The following CYYR1 variants were observed in gnomAD, a reference collection of about 807,000 sequenced individuals.
CYYR1 encodes cysteine and tyrosine rich 1, also known as cysteine and tyrosine-rich protein 1.
CYYR1 carries 14 observed loss-of-function variants against 15.2 expected under a neutral mutation model. That is an observed-to-expected ratio of 0.92 (90% confidence interval 0.61 to 1.44). The LOEUF (loss-of-function observed/expected upper bound fraction) is 1.44, where lower values mean the gene tolerates loss of function less well. CYYR1 is among the 40% of genes most tolerant of loss of function. The pLI is 0.00. For missense variants in CYYR1, 228 were observed against 209.5 expected (o/e 1.09, Z -0.54); for synonymous variants, 80 against 77.4 (o/e 1.03, Z -0.18).
intron 2 of CYYR1, among the ~76,000 whole-genome samples, chr21:26,516,897 C>G (rs1473232894): frequency 6.6e-6 from 1 of 151,428 alleles, no homozygotes; most frequent in Non-Finnish European, 1.5e-5. Context: ...GGGCGGATCA[C>G]GAGGTCAGGA....
chr21:26,524,756 T>C (rs1344103557), intron 2 of CYYR1, among the ~76,000 whole-genome samples: 1 of 151,998 alleles, frequency 6.6e-6, no homozygotes, highest in African/African-American at 2.4e-5. Flanking sequence ...AAGAATAAAC[T>C]GCCATGAGCA....
chr21:26,535,993 C>T (rs1978297414), intron 2 of CYYR1, among the ~76,000 whole-genome samples: 1 of 152,186 alleles, frequency 6.6e-6, no homozygotes, highest in African/African-American at 2.4e-5. Context: ...TTAATTGACT[C>T]ACAGTTCGGC....
chr21:26,495,723 G>C (rs1477937488), intron 2 of CYYR1, among the ~76,000 whole-genome samples: 1 of 152,202 alleles, frequency 6.6e-6, no homozygotes, highest in Non-Finnish European at 1.5e-5. Context: ...AAATGAAAGT[G>C]TATTTGGCTA....
intron 2 of CYYR1, among the ~76,000 whole-genome samples, chr21:26,484,368 C>T (rs1451648903): frequency 6.6e-6 from 1 of 152,050 alleles, no homozygotes; most frequent in Non-Finnish European, 1.5e-5. Context: ...TTTTCCCCAC[C>T]TACATACAAA....
intron 2 of CYYR1, among the ~76,000 whole-genome samples, chr21:26,499,887 C>T (rs959410580): frequency 6.1e-5 from 9 of 148,154 alleles, no homozygotes; most frequent in South Asian, 4.3e-4. Flanking sequence ...AGGGAGAGAA[C>T]TGGAAAGGGC....
intron 2 of CYYR1, among the ~76,000 whole-genome samples, chr21:26,487,290 TA>T (rs1481223368): frequency 6.6e-6 from 1 of 152,018 alleles, no homozygotes; most frequent in Non-Finnish European, 1.5e-5. Flanking sequence ...CTTATTAAAA[TA>T]AAAAAATTAT....
intron 3 of CYYR1, among the ~76,000 whole-genome samples, chr21:26,473,271 TA>T (rs2065058907): frequency 6.6e-6 from 1 of 152,052 alleles, no homozygotes; most frequent in South Asian, 2.1e-4. Flanking sequence ...CAATTTTCCT[TA>T]ACCCCACCCA....
At chr21:26,472,295 A>G (rs544973146) in intron 3 of CYYR1, among the ~76,000 whole-genome samples, 1 of 152,276 alleles carries the variant, frequency 6.6e-6, no homozygotes, top group East Asian at 1.9e-4. Flanking sequence ...TATTATAATT[A>G]ATGTAATGAT....
intron 2 of CYYR1, among the ~76,000 whole-genome samples, chr21:26,515,510 A>G (rs2065716114): frequency 6.6e-6 from 1 of 151,824 alleles, no homozygotes; most frequent in South Asian, 2.1e-4. Context: ...ATAGTCACAT[A>G]CCATCATGCC....
chr21:26,492,280 T>C (rs1015054215), intron 2 of CYYR1, among the ~76,000 whole-genome samples: 1 of 152,206 alleles, frequency 6.6e-6, no homozygotes, highest in Non-Finnish European at 1.5e-5. Flanking sequence ...AGGAACGTGA[T>C]TGGCGTTGGG....
intron 2 of CYYR1, among the ~76,000 whole-genome samples, chr21:26,520,224 C>T (rs1355313961): frequency 6.7e-6 from 1 of 150,228 alleles, no homozygotes; most frequent in Non-Finnish European, 1.5e-5. Context: ...TAAGTTCCCT[C>T]CCCTCAACCC....
chr21:26,498,107 C>A (rs1349980156), intron 2 of CYYR1, among the ~76,000 whole-genome samples: 2 of 152,174 alleles, frequency 1.3e-5, no homozygotes, highest in Admixed American at 6.5e-5. Context: ...TCACTTACTA[C>A]AGATGAAGTA....
chr21:26,502,724 A>G (rs1354005576), intron 2 of CYYR1, among the ~76,000 whole-genome samples: 1 of 152,040 alleles, frequency 6.6e-6, no homozygotes, highest in East Asian at 1.9e-4. Context: ...ACCTCCACAT[A>G]TATTTTCTGT....
At chr21:26,566,128 C>A (rs1419650861) in intron 2 of CYYR1, 138 bp downstream of exon 2, 2 of 612,984 alleles carry the variant, frequency 3.3e-6, no homozygotes, top group East Asian at 5.5e-5. Context: ...GTGTTAATAT[C>A]TCCAGTAAAG....
chr21:26,561,546 G>A (rs1285988621), intron 2 of CYYR1, among the ~76,000 whole-genome samples: 12 of 152,118 alleles, frequency 7.9e-5, no homozygotes, highest in Admixed American at 7.9e-4. Context: ...CAAACTGCGG[G>A]TAATACATCT....
chr21:26,529,984 T>C (rs549532765), intron 2 of CYYR1, among the ~76,000 whole-genome samples: 1 of 152,336 alleles, frequency 6.6e-6, no homozygotes, highest in South Asian at 2.1e-4. Context: ...CATTAATATA[T>C]ATCAACGGAA....
chr21:26,536,347 C>T (rs1006516829), intron 2 of CYYR1, among the ~76,000 whole-genome samples: 11 of 152,146 alleles, frequency 7.2e-5, no homozygotes, highest in Non-Finnish European at 1.2e-4. Flanking sequence ...TGCTTTTCCA[C>T]GAGATGCTTT....
intron 2 of CYYR1, among the ~76,000 whole-genome samples, chr21:26,489,046 T>G (rs2123434415): frequency 6.6e-6 from 1 of 152,264 alleles, no homozygotes; most frequent in Middle Eastern, 3.4e-3. Context: ...ATATTTAATG[T>G]GGAAATGGCA....
intron 2 of CYYR1, among the ~76,000 whole-genome samples, chr21:26,488,887 C>T (rs73349235): frequency 9.9e-5 from 15 of 151,916 alleles, no homozygotes; most frequent in Non-Finnish European, 1.8e-4. Flanking sequence ...TTCCTTTGCA[C>T]GAGAAACAAA....
Sources: allele counts gnomAD v4.1 joint callset (sites outside exome capture counted in the v4.1 genomes callset), GRCh38; gene constraint gnomAD v4.1.1; transcripts MANE v1.5; gene names NCBI Gene and HGNC (gene_info 2026-07-23, HGNC 2026-07-21).